LONP2: variants seen among roughly 807,000 people sequenced by gnomAD.
LONP2 encodes lon peptidase 2, peroxisomal.
LONP2 carries 60 observed loss-of-function variants against 85.6 expected under a neutral mutation model. That is an observed-to-expected ratio of 0.70 (90% confidence interval 0.57 to 0.87). The LOEUF is 0.87. Among genes scored for constraint, LONP2 ranks in the 40% least tolerant of loss-of-function variants. The pLI is 0.00. For missense variants in LONP2, 860 were observed against 1,063.5 expected, an observed-to-expected ratio of 0.81 and a Z score of 2.66; for synonymous variants, 395 against 389.7, an observed-to-expected ratio of 1.01 and a Z score of -0.16.
intron 8 of LONP2, among the ~76,000 whole-genome samples, chr16:48,282,192 T>A (rs927771187): frequency 2.0e-5 from 3 of 152,028 alleles, no homozygotes; most frequent in Non-Finnish European, 4.4e-5. Flanking sequence ...GTGGATTGCC[T>A]GAGCTCAGGA....
intron 8 of LONP2, among the ~76,000 whole-genome samples, chr16:48,289,429 T>C (rs1222587167): frequency 6.6e-6 from 1 of 152,206 alleles, no homozygotes. Flanking sequence ...TGTGTTCTTT[T>C]GAGTTTCTGA....
chr16:48,262,891 C>T lies in LONP2; in HGVS notation c.982+19C>T, dbSNP rs1052870738. ...ACAACTGGTAAGCCAAAAAATAACACCTGTTTTGCAGTCTAATTGTCACTC... is the reference window on the plus strand; with the variant it reads ...ACAACTGGTAAGCCAAAAAATAACATCTGTTTTGCAGTCTAATTGTCACTC... On this transcript the variant is annotated intron_variant, in intron 6 of 14. Transcript: ENST00000285737. The T allele has an allele frequency of 5.3e-6, 8 of 1,498,478 alleles. No individual in the cohort carries two copies. Among genetic ancestry groups the T allele is most frequent in the Non-Finnish European group, 7.4e-6 (8 of 1,081,852 alleles). 92.8% of individuals were successfully genotyped at this position (1,498,478 alleles called of 1,614,324 possible).
intron 14 of LONP2, among the ~76,000 whole-genome samples, chr16:48,349,123 A>C (rs1362650218): frequency 2.6e-5 from 4 of 152,132 alleles, no homozygotes; most frequent in Non-Finnish European, 5.9e-5. Context: ...CTGCTTATAA[A>C]AATAGTGTGA....
chr16:48,289,737 T>C (rs1308086894), intron 8 of LONP2, among the ~76,000 whole-genome samples: 1 of 152,180 alleles, frequency 6.6e-6, no homozygotes. Flanking sequence ...TATTTTTTTC[T>C]GGTATTTATA....
chr16:48,300,166 A>T (rs1972773480), intron 10 of LONP2, among the ~76,000 whole-genome samples: 1 of 152,260 alleles, frequency 6.6e-6, no homozygotes, highest in Non-Finnish European at 1.5e-5. Context: ...TATGCCCAGG[A>T]TCTTGAAAGT....
At chr16:48,318,442 C>T (rs983660826) in intron 11 of LONP2, among the ~76,000 whole-genome samples, 1 of 152,086 alleles carries the variant, frequency 6.6e-6, no homozygotes, top group East Asian at 1.9e-4. Flanking sequence ...TCATTTGAAC[C>T]TGGGAGGCGG....
chr16:48,249,973 C>T (rs766479958), intron 1 of LONP2, among the ~76,000 whole-genome samples: 38 of 152,058 alleles, frequency 2.5e-4, no homozygotes, highest in African/African-American at 8.4e-4. Flanking sequence ...GGGTGGATTA[C>T]CTTAGGTCAG....
chr16:48,300,623 GC>G (rs1157333311), intron 10 of LONP2, among the ~76,000 whole-genome samples: 1 of 152,134 alleles, frequency 6.6e-6, no homozygotes, highest in Non-Finnish European at 1.5e-5. Context: ...TTAGAGTTTG[GC>G]CAGACTGTCT....
At chr16:48,322,541 C>CT (rs1567341414) in intron 11 of LONP2, among the ~76,000 whole-genome samples, 1 of 151,958 alleles carries the variant, frequency 6.6e-6, no homozygotes, top group Non-Finnish European at 1.5e-5. Context: ...CAGTTAACTT[C>CT]TTTTTTACAG....
chr16:48,306,321 A>C (rs1037247981), intron 11 of LONP2, among the ~76,000 whole-genome samples: 13 of 152,248 alleles, frequency 8.5e-5, no homozygotes, highest in Admixed American at 7.9e-4. Flanking sequence ...ACATACATCC[A>C]TGTAGCATAC....
Position 48,287,469 on chromosome 16 carries a change from G to A in LONP2, c.1384-8546G>A, listed in dbSNP as rs140890374. 4.5e-4 allele frequency among the ~76,000 whole-genome samples: 68 copies of A among 152,330 alleles called. No individual in the cohort carries two copies. In the East Asian group the frequency reaches 0.013, roughly 29 times the overall value. On this transcript the variant is annotated intron_variant, in intron 8 of 14. Transcript: ENST00000285737. ...AAACAGTTGCCACTGGTTGTTTTTG[G>A]CAAATGTCCTAAGGATAAAACTGTT...
chr16:48,296,819 C>A (rs1972683741), intron 9 of LONP2, among the ~76,000 whole-genome samples: 1 of 151,304 alleles, frequency 6.6e-6, no homozygotes, highest in Non-Finnish European at 1.5e-5. Context: ...CCTCTTGAAT[C>A]TGTCAAATAG....
chr16:48,274,341 A>G (rs924898492), intron 7 of LONP2, among the ~76,000 whole-genome samples: 5 of 152,210 alleles, frequency 3.3e-5, no homozygotes, highest in Admixed American at 1.3e-4. Flanking sequence ...TTTATCGTCT[A>G]TCTCCTTTAT....
intron 11 of LONP2, among the ~76,000 whole-genome samples, chr16:48,311,209 A>G (rs1053723180): frequency 3.3e-5 from 5 of 152,162 alleles, no homozygotes; most frequent in Non-Finnish European, 7.3e-5. Flanking sequence ...TTGCTAGACT[A>G]GGGAAGGTTT....
chr16:48,274,721 G>A (rs1972171126), intron 7 of LONP2, among the ~76,000 whole-genome samples: 1 of 151,466 alleles, frequency 6.6e-6, no homozygotes, highest in Admixed American at 6.6e-5. Flanking sequence ...AAAAATAAGG[G>A]GAAAAAATCC....
At chr16:48,299,182 G>A (rs902786488) in intron 9 of LONP2, among the ~76,000 whole-genome samples, 4 of 151,946 alleles carry the variant, frequency 2.6e-5, no homozygotes, top group Non-Finnish European at 5.9e-5. Flanking sequence ...GTGAGCTAAC[G>A]TGCCTGGCCA....
intron 12 of LONP2, 58 bp downstream of exon 12, chr16:48,334,416 G>A: frequency 6.2e-7 from 1 of 1,603,478 alleles, no homozygotes; most frequent in Non-Finnish European, 8.5e-7. Context: ...ACTTTATTGA[G>A]GCCCCAGGGC....
At chr16:48,266,727 A>G (rs1168106694) in intron 6 of LONP2, among the ~76,000 whole-genome samples, 3 of 152,062 alleles carry the variant, frequency 2.0e-5, no homozygotes, top group African/African-American at 7.2e-5. Context: ...TGTTGTATGG[A>G]TATACCATCA....
chr16:48,292,308 A>C (rs1272642031), intron 8 of LONP2, among the ~76,000 whole-genome samples: 1 of 152,158 alleles, frequency 6.6e-6, no homozygotes, highest in Admixed American at 6.5e-5. Flanking sequence ...GTTACAGGTT[A>C]AAGATCTTGG....
Sources: allele counts gnomAD v4.1 joint callset (sites outside exome capture counted in the v4.1 genomes callset), GRCh38; gene constraint gnomAD v4.1.1; transcripts MANE v1.5; gene names NCBI Gene and HGNC (gene_info 2026-07-23, HGNC 2026-07-21).